The following LMTK3 variants were observed in gnomAD, a reference collection of about 807,000 sequenced individuals.
LMTK3 encodes serine/threonine-protein kinase LMTK3.
LMTK3 carries 27 observed loss-of-function variants against 116.7 expected under a neutral mutation model. The observed-to-expected ratio is 0.23, with a 90% CI of 0.17 to 0.32. The LOEUF is 0.32. Among genes scored for constraint, LMTK3 ranks in the 10% least tolerant of loss-of-function variants. LMTK3 has a pLI of 1.00. For synonymous variants in LMTK3, 965 were observed against 971.0 expected, an observed-to-expected ratio of 0.99 and a Z score of 0.11; for missense variants, 1,764 against 2,068.5, an observed-to-expected ratio of 0.85 and a Z score of 2.86.
At position 48,498,961 on chromosome 19, in the gene LMTK3, G is replaced by C. The variant is rs1341969649; in HGVS notation, c.2108C>G (p.Pro703Arg). The C allele has an allele frequency of 4.5e-6, 6 of 1,327,520 alleles. No homozygotes were observed. The highest frequency in any genetic ancestry group is 2.0e-5 in the South Asian group (1 of 48,824). 82.2% of individuals were successfully genotyped at this position (1,327,520 alleles called of 1,614,324 possible). Residue 703 changes from proline (P) to arginine (R), a missense_variant, in exon 11 of 15, where the codon CCC (proline) becomes CGC (arginine). This residue lies in a region of LMTK3 where 1,028 missense variants were observed against 1,050.6 expected (regional missense o/e 0.98). Coordinates refer to ENST00000600059, the MANE Select transcript of LMTK3 (RefSeq NM_001388485.1). ...CCGCAGCGAGGAGTCGTCCTCGGGG[G>C]GGTGGGGGCAGCCAAGAGCAGGGTG... is the stretch of plus-strand genomic sequence containing the variant. ...GGHPALGCPHPPEDDSSLRAE... is the reference protein window; with the variant it reads ...GGHPALGCPHRPEDDSSLRAE...
At chr19:48,506,997 G>T (rs2147558227) in intron 5 of LMTK3, among the ~76,000 whole-genome samples, 1 of 152,242 alleles carries the variant, frequency 6.6e-6, no homozygotes, top group Non-Finnish European at 1.5e-5. Flanking sequence ...ATAGGGTTTA[G>T]CCCAGGCTGG....
chr19:48,512,689 G>A (rs1011098489), upstream of LMTK3, among the ~76,000 whole-genome samples: 2 of 151,868 alleles, frequency 1.3e-5, no homozygotes, highest in South Asian at 2.1e-4. Flanking sequence ...ATACGGACAC[G>A]TAACATGCAT....
chr19:48,490,462 G>A (rs1460592923), intron 14 of LMTK3, among the ~76,000 whole-genome samples: 1 of 145,728 alleles, frequency 6.9e-6, no homozygotes, highest in African/African-American at 2.6e-5. Context: ...GGAGGCAGAG[G>A]TTGCACTGAG....
upstream of LMTK3, among the ~76,000 whole-genome samples, chr19:48,512,546 A>G (rs1972679201): frequency 6.6e-6 from 1 of 152,202 alleles, no homozygotes; most frequent in African/African-American, 2.4e-5. Context: ...TCACACAGAC[A>G]TGCACAGACA....
rs191720867 is a variant in LMTK3, at chr19:48,485,492, A to G, written c.*281T>C. 643 of 447,634 alleles carry G rather than the reference A, an allele frequency of 1.4e-3. 4 individuals are homozygous for G. Among genetic ancestry groups the G allele is most frequent in the African/African-American group, 0.013 (608 of 47,518 alleles). The allele number at this position is 447,634 out of a possible 1,614,324, so 27.7% of individuals were successfully genotyped here. ...CTCCAGGCCCAAAAGAGTTCAGTTC[A>G]GTTCCGAGAAAGGCGGCTCTCTATG... is the stretch of plus-strand genomic sequence containing the variant. On this transcript the variant is annotated 3_prime_UTR_variant, in exon 15 of 15. Transcript: ENST00000600059.
intron 9 of LMTK3, 46 bp from the exon 10 acceptor site, chr19:48,501,191 G>A (rs770992221): frequency 6.2e-6 from 10 of 1,605,002 alleles, no homozygotes; most frequent in African/African-American, 1.3e-5. Context: ...GACCCACCCG[G>A]GCCTCATTTT....
chr19:48,489,299 G>A (rs1015469205), intron 14 of LMTK3, among the ~76,000 whole-genome samples: 2 of 152,164 alleles, frequency 1.3e-5, no homozygotes, highest in African/African-American at 2.4e-5. Flanking sequence ...TAATGGGGCC[G>A]GGCATGGTGG....
At chr19:48,499,947 G>A in intron 10 of LMTK3, 30 bp from the exon 11 acceptor site, 1 of 1,550,856 alleles carries the variant, frequency 6.4e-7, no homozygotes, top group South Asian at 1.2e-5. Flanking sequence ...AGTGAGCAGG[G>A]CAGAGACCCA....
At chr19:48,492,511 C>A (rs905503786) in intron 12 of LMTK3, among the ~76,000 whole-genome samples, 2 of 152,126 alleles carry the variant, frequency 1.3e-5, no homozygotes, top group Non-Finnish European at 2.9e-5. Context: ...ATTCCTCAAC[C>A]CATCTCTCTA....
At chr19:48,508,303 C>A (rs1356002926) in intron 5 of LMTK3, among the ~76,000 whole-genome samples, 1 of 152,076 alleles carries the variant, frequency 6.6e-6, no homozygotes, top group Non-Finnish European at 1.5e-5. Context: ...GATAAGGGGT[C>A]TCTGCGAACA....
rs574682473 is a variant in LMTK3, at chr19:48,506,896, C to A, written c.557+1955G>T. 2.0e-5 allele frequency among the ~76,000 whole-genome samples: 3 copies of A among 152,266 alleles called. No homozygotes were observed. The East Asian group carries it at 5.8e-4, about 29-fold the overall frequency. ...GGCCAGGCTGGTCTCGAACTCCTGA[C>A]CTCATGATCTGCCCACCTCAGTCTC... On this transcript the variant is annotated intron_variant, in intron 5 of 14. Transcript: ENST00000600059.
chr19:48,508,415 A>G (rs1189773004), intron 5 of LMTK3, among the ~76,000 whole-genome samples: 1 of 152,146 alleles, frequency 6.6e-6, no homozygotes, highest in Non-Finnish European at 1.5e-5. Context: ...AGTAGAGACC[A>G]AGAAGGGCAG....
In LMTK3 at chr19:48,498,857, C is replaced by G; in HGVS notation, c.2212G>C (p.Gly738Arg). Residue 738 changes from glycine to arginine, a missense_variant, in exon 11 of 15, where the codon GGG (glycine) becomes CGG (arginine). Around this residue, in one of 7 missense-constraint regions of LMTK3, gnomAD observed 1,028 missense variants for 1,050.6 expected, o/e 0.98. Coordinates refer to ENST00000600059, the MANE Select transcript of LMTK3 (RefSeq NM_001388485.1). The stretch of plus-strand genomic sequence containing the variant: ...CCGGGGTACTGGGGCGCCGCCGCCC[C>G]CATGAGGGGGTCCAGAAACTCGGGG... The part of the protein sequence containing the change: ...APPEFLDPLM[G>R]AAAPQYPGRG... 2 of 1,224,782 alleles carry G rather than the reference C, an allele frequency of 1.6e-6. No individual in the cohort carries two copies. The highest frequency in any genetic ancestry group is 2.1e-6 in the Non-Finnish European group (2 of 965,344). 75.9% of individuals were successfully genotyped at this position (1,224,782 alleles called of 1,614,324 possible). A position where few individuals can be genotyped will look rare whatever the true frequency, so the allele number is the denominator to read the frequency against.
chr19:48,497,797 C>T lies in LMTK3; in HGVS notation c.3272G>A (p.Arg1091Lys). The T allele has an allele frequency of 1.5e-6, 2 of 1,378,900 alleles. No homozygotes were observed. The highest frequency in any genetic ancestry group is 9.3e-7 in the Non-Finnish European group (1 of 1,072,238). The allele number at this position is 1,378,900 out of a possible 1,614,324, so 85.4% of individuals were successfully genotyped here. The change falls in exon 11 of 15, where the codon AGA (arginine) becomes AAA (lysine). Residue 1091 changes from arginine (R) to lysine (K), a missense_variant. Transcript: ENST00000600059. This position sits in a 1 kb window ranked among gnomAD's most constrained non-coding sequence, Gnocchi z 5.7. ...NGTLEPGTERRAPETGGAPRA... is the reference protein window; with the variant it reads ...NGTLEPGTERKAPETGGAPRA... ...CGGCGCCCCCCCAGTCTCGGGGGCT[C>T]TCCTCTCGGTCCCGGGTTCCAGCGT...
At chr19:48,506,520 C>T (rs1257173897) in intron 5 of LMTK3, among the ~76,000 whole-genome samples, 1 of 152,116 alleles carries the variant, frequency 6.6e-6, no homozygotes, top group South Asian at 2.1e-4. Context: ...TGGGGCCTGG[C>T]GGGAGGCAGA....
rs1173126680 is a variant in LMTK3, at chr19:48,500,067, G to T, written c.1152-150C>A. On this transcript the variant is annotated intron_variant, in intron 10 of 14. Coordinates refer to ENST00000600059, the MANE Select transcript of LMTK3 (RefSeq NM_001388485.1). This position sits in a 1 kb window ranked among gnomAD's most constrained non-coding sequence, Gnocchi z 4.0. ...GGGGGACAGAGACCCAGAGAGAGGG[G>T]GACAGAGACCCAGAGACAGAGGGAC... 3 of 692,122 alleles carry T rather than the reference G, an allele frequency of 4.3e-6. No individual in the cohort carries two copies. Among genetic ancestry groups the T allele is most frequent in the Admixed American group, 6.3e-5 (2 of 31,714 alleles). 42.9% of individuals were successfully genotyped at this position (692,122 alleles called of 1,614,324 possible).
rs777131416 is a variant in LMTK3, at chr19:48,498,220, C to T, written c.2849G>A (p.Gly950Glu). 1.2e-6 allele frequency: 2 copies of T among 1,613,278 alleles called. No homozygotes were observed. Among genetic ancestry groups the T allele is most frequent in the Admixed American group, 1.7e-5 (1 of 59,986 alleles). ...EEKAAENGAL[G>E]SPEREEKVLE... is the part of the protein sequence containing the mutation. ...CACTTTCTCTTCTCTCTCGGGGGAC[C>T]CCAGGGCCCCATTCTCCGCCGCCTT... Residue 950 changes from glycine (G) to glutamate (E), a missense_variant, in exon 11 of 15, where the codon GGG becomes GAG. Gly to Glu is a moderately conservative substitution (Grantham distance 98, BLOSUM62 -2). Coordinates refer to ENST00000600059, the MANE Select transcript of LMTK3 (RefSeq NM_001388485.1).
chr19:48,494,957 C>T lies in LMTK3; in HGVS notation c.3677-848G>A, dbSNP rs959538959. Among the ~76,000 whole-genome samples, 4 of 152,028 alleles carry T rather than the reference C, an allele frequency of 2.6e-5. No individual in the cohort carries two copies. Among genetic ancestry groups the T allele is most frequent in the African/African-American group, 9.7e-5 (4 of 41,400 alleles). ...GCTCAAAAGTCACACTTTTGTTGAC[C>T]AGACATCTCAGGGTGATGGGGTTAT... On this transcript the variant is annotated intron_variant, in intron 11 of 14. Transcript: ENST00000600059. This position sits in a 1 kb window ranked among gnomAD's most constrained non-coding sequence, Gnocchi z 4.0.
intron 12 of LMTK3, among the ~76,000 whole-genome samples, chr19:48,493,408 T>A (rs1972261384): frequency 7.9e-6 from 1 of 126,262 alleles, no homozygotes; most frequent in South Asian, 2.6e-4. Flanking sequence ...CACTCTAGAT[T>A]GGGGCTCCCC....
Sources: gnomAD v4.1 joint callset for allele counts (sites outside exome capture counted in the v4.1 genomes callset) on GRCh38, gnomAD v4.1.1 for gene constraint, gnomAD v4.1.1 regional missense constraint, Gnocchi (gnomAD v3.1) non-coding constraint, MANE v1.5 for transcripts, NCBI Gene and HGNC (gene_info 2026-07-23, HGNC 2026-07-21) for gene names.